The following EFCAB11 variants were observed in gnomAD, a reference collection of about 807,000 sequenced individuals.
The protein encoded by EFCAB11 is EF-hand calcium binding domain 11.
EFCAB11 carries 14 observed loss-of-function variants against 23.0 expected under a neutral mutation model. The ratio of observed to expected loss-of-function variants is 0.61; its 90% confidence interval spans 0.40 to 0.95. EFCAB11 has a LOEUF of 0.95. Ranked by LOEUF, EFCAB11 falls within the 40% of genes least tolerant of loss-of-function variation. The pLI, the probability that EFCAB11 is intolerant of heterozygous loss-of-function variation, is 0.00. For synonymous variants in EFCAB11, 65 were observed against 66.6 expected (o/e 0.98, Z 0.11); for missense variants, 198 against 195.8 (o/e 1.01, Z -0.07).
chr14:89,881,757 T>C (rs1471689676), intron 5 of EFCAB11, among the ~76,000 whole-genome samples: 1 of 151,956 alleles, frequency 6.6e-6, no homozygotes, highest in African/African-American at 2.4e-5. Context: ...CTGGAACTAA[T>C]ATATTTTCAA....
intron 5 of EFCAB11, among the ~76,000 whole-genome samples, chr14:89,866,027 C>T (rs1017822711): frequency 3.0e-4 from 46 of 151,986 alleles, no homozygotes; most frequent in Admixed American, 2.6e-3. Context: ...TCAAGTGATC[C>T]GCCCACCTCA....
At chr14:89,917,378 A>G (rs1889884134) in intron 5 of EFCAB11, among the ~76,000 whole-genome samples, 1 of 152,166 alleles carries the variant, frequency 6.6e-6, no homozygotes, top group Non-Finnish European at 1.5e-5. Flanking sequence ...TTCACTTAGC[A>G]TAATGTCCCC....
chr14:89,842,659 G>A (rs1242552384), intron 5 of EFCAB11, among the ~76,000 whole-genome samples: 5 of 150,292 alleles, frequency 3.3e-5, no homozygotes, highest in Non-Finnish European at 7.4e-5. Flanking sequence ...TGTCCCTCTC[G>A]TGTCTTAAAA....
At chr14:89,843,751 T>A (rs1230548181) in intron 5 of EFCAB11, among the ~76,000 whole-genome samples, 2 of 152,234 alleles carry the variant, frequency 1.3e-5, no homozygotes, top group Non-Finnish European at 2.9e-5. Flanking sequence ...CTTACACTGG[T>A]CATCAAAAAA....
intron 5 of EFCAB11, among the ~76,000 whole-genome samples, chr14:89,927,175 C>T (rs1300115733): frequency 1.3e-5 from 2 of 152,060 alleles, no homozygotes; most frequent in Non-Finnish European, 2.9e-5. Context: ...AAGTCTCTTT[C>T]TTTGGATTGT....
At chr14:89,951,162 T>C (rs1891150454) in intron 2 of EFCAB11, among the ~76,000 whole-genome samples, 1 of 152,210 alleles carries the variant, frequency 6.6e-6, no homozygotes, top group African/African-American at 2.4e-5. Context: ...TGAATGCACC[T>C]GGAATGCTCA....
intron 5 of EFCAB11, among the ~76,000 whole-genome samples, chr14:89,809,133 T>A (rs1423901045): frequency 2.0e-5 from 3 of 152,212 alleles, no homozygotes; most frequent in Non-Finnish European, 2.9e-5. Flanking sequence ...CCTCTCTCCC[T>A]CTGCCCAGCA....
intron 5 of EFCAB11, among the ~76,000 whole-genome samples, chr14:89,894,326 G>A (rs569878213): frequency 1.3e-5 from 2 of 151,860 alleles, no homozygotes; most frequent in South Asian, 2.1e-4. Flanking sequence ...GTATACAAGT[G>A]CCATGGTGGT....
At position 89,954,612 on chromosome 14, in the gene EFCAB11, G is replaced by A. The variant is rs775224208; in HGVS notation, c.49C>T (p.Pro17Ser). 1.2e-6 allele frequency: 2 copies of A among 1,613,766 alleles called. No homozygotes were observed. The highest frequency in any genetic ancestry group is 2.2e-5 in the South Asian group (2 of 91,066). The change falls in exon 1 of 6, where the codon CCC becomes TCC. Residue 17 changes from proline to serine, a missense_variant. Coordinates refer to ENST00000316738, the MANE Select transcript of EFCAB11 (RefSeq NM_145231.4). ...RARSRTWEAS[P>S]SEHRKWVEVF... ...TCCACCCACTTCCTGTGTTCCGAGG[G>A]ACTGGCTTCCCACGTCCGCGACCTG...
At chr14:89,906,933 A>G (rs1458196892) in intron 5 of EFCAB11, among the ~76,000 whole-genome samples, 3 of 152,240 alleles carry the variant, frequency 2.0e-5, no homozygotes, top group African/African-American at 7.2e-5. Flanking sequence ...ATTTCTTACC[A>G]TTAGATCACT....
chr14:89,847,580 A>T (rs1286369447), intron 5 of EFCAB11, among the ~76,000 whole-genome samples: 3 of 152,064 alleles, frequency 2.0e-5, no homozygotes, highest in African/African-American at 7.2e-5. Flanking sequence ...TCTCTACTAA[A>T]AATACAAAAT....
intron 3 of EFCAB11, among the ~76,000 whole-genome samples, chr14:89,946,733 C>CTTT (rs536677296): frequency 7.6e-6 from 1 of 131,380 alleles, no homozygotes; most frequent in African/African-American, 2.8e-5. Flanking sequence ...TCATGCCTGG[C>CTTT]TTTTTTTTTT....
Position 89,924,230 on chromosome 14 carries a change from T to C in EFCAB11, c.410+7311A>G, listed in dbSNP as rs1890116728. 6.1e-6 allele frequency: 6 copies of C among 990,264 alleles called. No individual in the cohort carries two copies. The South Asian group carries it at 2.3e-4, about 38-fold the overall frequency. 61.3% of individuals were successfully genotyped at this position (990,264 alleles called of 1,614,324 possible). Reference sequence around the variant, plus strand: ...GGAGAGTTAGATGTCCTATGTCCTTTGACCTTCCCTTGTGTAATATGAAGA... The same window carrying C: ...GGAGAGTTAGATGTCCTATGTCCTTCGACCTTCCCTTGTGTAATATGAAGA... On this transcript the variant is annotated intron_variant, in intron 5 of 5. Transcript: ENST00000316738.
intron 5 of EFCAB11, among the ~76,000 whole-genome samples, chr14:89,826,023 C>T (rs765190801): frequency 1.3e-5 from 2 of 152,096 alleles, no homozygotes; most frequent in Non-Finnish European, 2.9e-5. Context: ...TGACAGGTTT[C>T]TGCCCTAATG....
intron 5 of EFCAB11, among the ~76,000 whole-genome samples, chr14:89,886,511 C>A (rs1315489202): frequency 2.4e-5 from 2 of 82,904 alleles, no homozygotes; most frequent in African/African-American, 1.0e-4. Flanking sequence ...GAGCGAAACT[C>A]CGTCTCAAAA....
chr14:89,861,553 A>C (rs1159561507), intron 5 of EFCAB11, among the ~76,000 whole-genome samples: 3 of 152,124 alleles, frequency 2.0e-5, no homozygotes, highest in Admixed American at 2.0e-4. Context: ...AGTGGCCCTT[A>C]CCTGCAATGT....
chr14:89,803,022 C>T (rs1370261914), intron 5 of EFCAB11, among the ~76,000 whole-genome samples: 2 of 152,132 alleles, frequency 1.3e-5, no homozygotes, highest in African/African-American at 2.4e-5. Flanking sequence ...GGACGTTTGG[C>T]AGCATCCCTG....
chr14:89,893,635 A>T (rs908586975), intron 5 of EFCAB11, among the ~76,000 whole-genome samples: 2 of 152,148 alleles, frequency 1.3e-5, no homozygotes, highest in African/African-American at 2.4e-5. Flanking sequence ...ACCCAACTTT[A>T]TCAGTCTCTG....
intron 5 of EFCAB11, among the ~76,000 whole-genome samples, chr14:89,917,986 G>A (rs990615113): frequency 3.3e-5 from 5 of 152,152 alleles, no homozygotes; most frequent in Non-Finnish European, 5.9e-5. Context: ...TGGCTCTCCA[G>A]GCAGGGTGTG....
Sources: gnomAD v4.1 joint callset for allele counts (sites outside exome capture counted in the v4.1 genomes callset) on GRCh38, gnomAD v4.1.1 for gene constraint, MANE v1.5 for transcripts, NCBI Gene and HGNC (gene_info 2026-07-23, HGNC 2026-07-21) for gene names.